The following PYGB variants were observed in gnomAD, a reference collection of about 807,000 sequenced individuals.
PYGB encodes the protein glycogen phosphorylase B.
A neutral mutation model predicts 94.3 loss-of-function variants in PYGB; 82 were observed. The observed-to-expected ratio is 0.87, with a 90% CI of 0.73 to 1.04. The LOEUF is 1.04. PYGB is among the 50% of genes least tolerant of loss of function. The pLI is 0.00. For missense variants in PYGB, 1,132 were observed against 1,158.2 expected (o/e 0.98, Z 0.33); for synonymous variants, 488 against 479.1 (o/e 1.02, Z -0.24).
intron 2 of PYGB, among the ~76,000 whole-genome samples, chr20:25,261,457 A>G (rs185558850): frequency 3.3e-5 from 5 of 152,372 alleles, no homozygotes; most frequent in African/African-American, 4.8e-5. Flanking sequence ...CAGAAAGGAC[A>G]TCCACACCAA....
At chr20:25,249,793 G>A (rs1025608957) in intron 1 of PYGB, among the ~76,000 whole-genome samples, 12 of 151,878 alleles carry the variant, frequency 7.9e-5, no homozygotes, top group Admixed American at 7.9e-4. Flanking sequence ...AAGCAGCCAA[G>A]AAGCAGTGGC....
In PYGB at chr20:25,276,666, C is replaced by T. The variant is rs1180183471; in HGVS notation, c.681C>T (p.Tyr227=). 39 of 1,613,676 alleles carry T rather than the reference C, an allele frequency of 2.4e-5. 1 individual carries two copies. Among genetic ancestry groups the T allele is most frequent in the Admixed American group, 3.3e-5 (2 of 59,996 alleles). Residue 227 remains tyrosine (Y), a synonymous_variant, in exon 6 of 20, where the codon TAC becomes TAT. Coordinates refer to ENST00000216962, the MANE Select transcript of PYGB (RefSeq NM_002862.4). The part of the protein sequence containing the change: ...LDTQVVLAMP[Y]DTPVPGYKNN... ...GCCAGGTGGTGCTGGCCATGCCCTACGACACCCCAGTGCCCGGCTACAAGA... is the reference window on the plus strand; with the variant it reads ...GCCAGGTGGTGCTGGCCATGCCCTATGACACCCCAGTGCCCGGCTACAAGA...
rs2088504463 is a variant in PYGB, at chr20:25,294,273, A to G, written c.2293A>G (p.Met765Val). 2 of 1,364,066 alleles carry G rather than the reference A, an allele frequency of 1.5e-6. No homozygotes were observed. Among genetic ancestry groups the G allele is most frequent in the Non-Finnish European group, 2.0e-6 (2 of 1,022,914 alleles). The allele number at this position is 1,364,066 out of a possible 1,614,324, so 84.5% of individuals were successfully genotyped here. The change falls in exon 18 of 20, where the codon ATG (methionine) becomes GTG (valine). Residue 765 changes from methionine (M) to valine (V), a missense_variant. By Grantham distance (21) the Met-to-Val change is conservative. Coordinates refer to ENST00000216962, the MANE Select transcript of PYGB (RefSeq NM_002862.4). ...AGACTGCTTCAAGGACATCGTGAACATGCTGATGCACCATGACAGGTGGGA... is the reference window on the plus strand; with the variant it reads ...AGACTGCTTCAAGGACATCGTGAACGTGCTGATGCACCATGACAGGTGGGA... Reference protein sequence around the residue: ...EPDCFKDIVNMLMHHDRFKVF... With the variant: ...EPDCFKDIVNVLMHHDRFKVF...
rs201916087 is a variant in PYGB, at chr20:25,296,528, C to A, written c.*6C>A. 4.3e-6 allele frequency: 7 copies of A among 1,610,490 alleles called. No individual in the cohort carries two copies. In the African/African-American group the frequency reaches 9.4e-5, roughly 22 times the overall value. On this transcript the variant is annotated 3_prime_UTR_variant, in exon 20 of 20. Transcript: ENST00000216962. ...CCAACATCCCCCGGGACTAGGCACA[C>A]CCTGCCTTGGCGGGACCAGCGGGCA...
At position 25,280,340 on chromosome 20, in the gene PYGB, C is replaced by G. The variant is rs138279682; in HGVS notation, c.1167C>G (p.Pro389=). ...TGCCTGAGGCCTTGGAGCGCTGGCC[C>G]GTGTCCATGTTTGAGAAGCTGCTGC... ...TVLPEALERW[P]VSMFEKLLPR... The change falls in exon 10 of 20, where the codon CCC becomes CCG. Residue 389 remains proline (P), a synonymous_variant. Transcript: ENST00000216962. 2,601 of 1,614,020 alleles carry G rather than the reference C, an allele frequency of 1.6e-3. 54 individuals carry two copies. The East Asian group carries it at 0.049, about 30-fold the overall frequency.
intron 2 of PYGB, among the ~76,000 whole-genome samples, chr20:25,265,573 TTTGTTTTCTTG>T (rs1001359216): frequency 5.9e-5 from 9 of 151,570 alleles, no homozygotes; most frequent in African/African-American, 2.2e-4. Flanking sequence ...AATCAGGTTG[TTTGTTTTCTTG>T]TTGTTGAATT....
At chr20:25,283,352 C>T (rs1274629977) in intron 13 of PYGB, 75 bp downstream of exon 13, 9 of 1,324,618 alleles carry the variant, frequency 6.8e-6, no homozygotes, top group Non-Finnish European at 9.5e-6. Flanking sequence ...CCCTAGCCCT[C>T]CTACAGGCCC....
At chr20:25,258,002 G>A (rs932004443) in intron 1 of PYGB, among the ~76,000 whole-genome samples, 20 of 152,180 alleles carry the variant, frequency 1.3e-4, no homozygotes, top group African/African-American at 3.4e-4. Context: ...TACTTATAGC[G>A]GCTATGAGGA....
chr20:25,258,381 C>T (rs535353042), intron 1 of PYGB, among the ~76,000 whole-genome samples: 35 of 152,296 alleles, frequency 2.3e-4, no homozygotes, highest in African/African-American at 7.9e-4. Flanking sequence ...GAAGTAAGCT[C>T]CTCCTCCTGG....
At chr20:25,271,997 C>T (rs1481909493) in intron 4 of PYGB, among the ~76,000 whole-genome samples, 2 of 152,184 alleles carry the variant, frequency 1.3e-5, no homozygotes, top group Non-Finnish European at 2.9e-5. Flanking sequence ...CTGCATAGTA[C>T]AGTGGCCCTT....
intron 17 of PYGB, 77 bp from the exon 18 acceptor site, chr20:25,294,081 A>G (rs1199377947): frequency 6.4e-7 from 1 of 1,567,064 alleles, no homozygotes; most frequent in African/African-American, 1.4e-5. Flanking sequence ...GGGCTGTGCC[A>G]GGCACCAACA....
In PYGB at chr20:25,295,666, AC is replaced by A; in HGVS notation, c.2377del (p.Arg793GlyfsTer107). ...TGCCAGGCACAGGTGGACCAGCTGTACCGGGTGAGGCTCCTGGGTCCAGAGG... is the reference window on the plus strand; with the variant it reads ...TGCCAGGCACAGGTGGACCAGCTGTACGGGTGAGGCTCCTGGGTCCAGAGG... ...MQCQAQVDQL[Y>X]RNPKEWTKKV... On this transcript the variant is annotated frameshift_variant, in exon 19 of 20. Transcript: ENST00000216962. LOFTEE classifies it high-confidence loss of function. The A allele has an allele frequency of 6.2e-7, 1 of 1,613,066 alleles. No individual in the cohort carries two copies. Among genetic ancestry groups the A allele is most frequent in the Non-Finnish European group, 8.5e-7 (1 of 1,179,084 alleles).
At chr20:25,258,511 G>A (rs543647390) in intron 1 of PYGB, among the ~76,000 whole-genome samples, 1 of 152,366 alleles carries the variant, frequency 6.6e-6, no homozygotes, top group East Asian at 1.9e-4. Context: ...TGTGCCCACT[G>A]ATCTTAGCAT....
intron 1 of PYGB, 140 bp from the exon 2 acceptor site, chr20:25,259,097 G>A: frequency 5.3e-6 from 4 of 748,714 alleles, no homozygotes; most frequent in Non-Finnish European, 8.6e-6. Flanking sequence ...GCCTGACAGA[G>A]CAAGCCCAGT....
Position 25,274,529 on chromosome 20 carries a change from A to G in PYGB, c.529-63A>G. 7.0e-6 allele frequency: 11 copies of G among 1,582,390 alleles called. No homozygotes were observed. The South Asian group carries it at 1.3e-4, about 19-fold the overall frequency. On this transcript the variant is annotated intron_variant, in intron 4 of 19. Coordinates refer to ENST00000216962, the MANE Select transcript of PYGB (RefSeq NM_002862.4). ...CTCGACCGCACGGTCTGCTGGGTCC[A>G]GGACAGGGCGGTGGCCTGGGACATC...
rs1022437349 is a variant in PYGB at position 25,295,091 on chromosome 20, A to C, written c.2313-513A>C. 3.3e-6 allele frequency: 5 copies of C among 1,517,292 alleles called. No homozygotes were observed. The African/African-American group carries it at 6.9e-5, about 21-fold the overall frequency. The allele number at this position is 1,517,292 out of a possible 1,614,324, so 94.0% of individuals were successfully genotyped here. ...CTGCATTTCGTGAAGTGTGCTTCTG[A>C]CTCGATAGTGAACAGAAATGCATTT... On this transcript the variant is annotated intron_variant, in intron 18 of 19. Coordinates refer to ENST00000216962, the MANE Select transcript of PYGB (RefSeq NM_002862.4).
At chr20:25,279,202 A>G in intron 9 of PYGB, 53 bp downstream of exon 9, 5 of 1,557,574 alleles carry the variant, frequency 3.2e-6, no homozygotes, top group Non-Finnish European at 4.4e-6. Flanking sequence ...GCCCGTGCAG[A>G]CCAGGGCTAC....
At chr20:25,280,042 T>C (rs1252069113) in intron 9 of PYGB, among the ~76,000 whole-genome samples, 1 of 152,236 alleles carries the variant, frequency 6.6e-6, no homozygotes. Context: ...CACTGGACCA[T>C]AATGTCACAC....
chr20:25,267,448 G>T (rs185159271), intron 2 of PYGB, among the ~76,000 whole-genome samples: 9 of 152,316 alleles, frequency 5.9e-5, no homozygotes, highest in Admixed American at 5.9e-4. Context: ...AAAGGTTATT[G>T]GGTGTACTGC....
Sources: allele counts gnomAD v4.1 joint callset (sites outside exome capture counted in the v4.1 genomes callset), GRCh38; gene constraint gnomAD v4.1.1; transcripts MANE v1.5; gene names NCBI Gene and HGNC (gene_info 2026-07-23, HGNC 2026-07-21).